The following LRRK1 variants were observed in gnomAD, a reference collection of about 807,000 sequenced individuals.
The protein encoded by LRRK1 is leucine rich repeat kinase 1.
LRRK1 carries 113 observed loss-of-function variants against 209.1 expected under a neutral mutation model. The ratio of observed to expected loss-of-function variants is 0.54; its 90% CI spans 0.46 to 0.63. The LOEUF is 0.63. Among genes scored for constraint, LRRK1 ranks in the 30% least tolerant of loss-of-function variants. LRRK1 has a pLI of 0.00. For synonymous variants in LRRK1, 1,144 were observed against 1,099.7 expected (o/e 1.04, Z -0.80); for missense variants, 2,284 against 2,632.2 (o/e 0.87, Z 2.89).
In LRRK1 at chr15:101,072,241, T is replaced by C. The variant is rs1384207874; in HGVS notation, c.*3393T>C. On this transcript the variant is annotated 3_prime_UTR_variant, in exon 34 of 34. Coordinates refer to ENST00000388948, the MANE Select transcript of LRRK1 (RefSeq NM_024652.6). ...GCAGTTCCACTTAAGTATTTGGTCC[T>C]GAAATCTTGGTAAAAGTGCCCAAAG... 5.3e-5 allele frequency: 8 copies of C among 152,246 alleles called. No individual in the cohort carries two copies. The highest frequency in any genetic ancestry group is 1.7e-4 in the African/African-American group (7 of 41,446). The allele number at this position is 152,246 out of a possible 1,614,324, so 9.4% of individuals were successfully genotyped here.
chr15:101,054,373 C>G (rs1051506283), intron 26 of LRRK1, among the ~76,000 whole-genome samples: 5 of 152,184 alleles, frequency 3.3e-5, no homozygotes, highest in Non-Finnish European at 7.3e-5. Context: ...CAGCAAAATG[C>G]CAGCAATTCC....
chr15:101,043,409 C>T (rs909966782), intron 20 of LRRK1, among the ~76,000 whole-genome samples: 1 of 152,100 alleles, frequency 6.6e-6, no homozygotes, highest in Non-Finnish European at 1.5e-5. Flanking sequence ...CATAACATGG[C>T]CCAGCGGTGT....
chr15:100,920,309 T>C (rs939437588), intron 1 of LRRK1: 4 of 152,214 alleles, frequency 2.6e-5, no homozygotes, highest in African/African-American at 9.7e-5. Flanking sequence ...TGTACACTAA[T>C]GATAGAGTTT....
In LRRK1 at chr15:101,066,030, A is replaced by G. The variant is rs1381987505; in HGVS notation, c.5593A>G (p.Ser1865Gly). Reference protein sequence around the residue: ...SPSSLPSSPASSSSVPFSTDC... With the variant: ...SPSSLPSSPAGSSSVPFSTDC... ...CTCAAGCCTCCCCAGCTCCCCAGCA[A>G]GTTCTTCCAGTGTGCCTTTCTCCAC... The change falls in exon 32 of 34, where the codon AGT (serine) becomes GGT (glycine). Residue 1865 changes from serine (S) to glycine (G), a missense_variant. This residue lies in a region of LRRK1 where 643 missense variants were observed against 695.9 expected (regional missense o/e 0.92). Coordinates refer to ENST00000388948, the MANE Select transcript of LRRK1 (RefSeq NM_024652.6). 1 of 1,613,962 alleles carries G rather than the reference A, an allele frequency of 6.2e-7. No homozygotes were observed. Among genetic ancestry groups the G allele is most frequent in the Non-Finnish European group, 8.5e-7 (1 of 1,180,024 alleles).
At position 100,983,519 on chromosome 15, in the gene LRRK1, T is replaced by G; in HGVS notation, c.262-9T>G. 6.3e-7 allele frequency: 1 copy of G among 1,583,888 alleles called. No individual in the cohort carries two copies. Among genetic ancestry groups the G allele is most frequent in the Non-Finnish European group, 8.6e-7 (1 of 1,163,210 alleles). Reference sequence around the variant, plus strand: ...CAGTCTCACTGGAGCCCTGTTCTGTTTTGACCAGGGCCAGCTTCTGAGCAT... The same window carrying G: ...CAGTCTCACTGGAGCCCTGTTCTGTGTTGACCAGGGCCAGCTTCTGAGCAT... On this transcript the variant is annotated splice_polypyrimidine_tract_variant and intron_variant, in intron 3 of 33. Transcript: ENST00000388948.
At position 101,067,421 on chromosome 15, in the gene LRRK1, ATGTGTGTGTGTGTGTGTGTGTGTG is replaced by A. The variant is rs57333844; in HGVS notation, c.5870+700_5870+723del. 6.3e-4 allele frequency: 187 copies of A among 297,166 alleles called. 5 individuals are homozygous for A. In the East Asian group the frequency reaches 0.011, roughly 17 times the overall value. The allele number at this position is 297,166 out of a possible 1,614,324, so 18.4% of individuals were successfully genotyped here. A position where few individuals can be genotyped will look rare whatever the true frequency, so the allele number is the denominator to read the frequency against. Reference sequence around the variant, plus strand: ...CCCCTACGAAAAGTCCTCAGTTCAAATGTGTGTGTGTGTGTGTGTGTGTGTGTGTGTGTGTGTGTGTGTACTTTG... The same window carrying A: ...CCCCTACGAAAAGTCCTCAGTTCAAATGTGTGTGTGTGTGTGTGTACTTTG... On this transcript the variant is annotated intron_variant, in intron 33 of 33. Coordinates refer to ENST00000388948, the MANE Select transcript of LRRK1 (RefSeq NM_024652.6).
chr15:100,999,855 C>T (rs144528444), intron 6 of LRRK1, among the ~76,000 whole-genome samples: 22 of 152,252 alleles, frequency 1.4e-4, no homozygotes, highest in Middle Eastern at 3.4e-3. Flanking sequence ...ATTGTTACAA[C>T]GACTGTTTAG....
intron 21 of LRRK1, among the ~76,000 whole-genome samples, chr15:101,046,585 C>T (rs890339917): frequency 2.0e-5 from 3 of 152,196 alleles, no homozygotes; most frequent in East Asian, 1.9e-4. Flanking sequence ...ACGGTTTTGC[C>T]GTCCTGGCTG....
intron 2 of LRRK1, among the ~76,000 whole-genome samples, chr15:100,936,613 C>G (rs2042304841): frequency 6.6e-6 from 1 of 152,240 alleles, no homozygotes; most frequent in African/African-American, 2.4e-5. Flanking sequence ...GCCAAGGGTC[C>G]AGCCTGGGTC....
intron 2 of LRRK1, among the ~76,000 whole-genome samples, chr15:100,973,236 C>G (rs897023691): frequency 1.3e-5 from 2 of 152,230 alleles, no homozygotes; most frequent in Non-Finnish European, 2.9e-5. Context: ...AGCCCACGCT[C>G]TGGTGAAGCA....
chr15:101,060,866 A>C (rs980163146), intron 29 of LRRK1, among the ~76,000 whole-genome samples: 1 of 152,170 alleles, frequency 6.6e-6, no homozygotes, highest in Admixed American at 6.5e-5. Context: ...AGCTCCCCGC[A>C]TAACAGGGGC....
rs1329328265 is a variant in LRRK1, at chr15:101,058,100, G to A, written c.4638G>A (p.Gln1546=). The change falls in exon 29 of 34, where the codon CAG becomes CAA. Residue 1546 remains glutamine, a synonymous_variant. Transcript: ENST00000388948. Reference sequence around the variant, plus strand: ...CAGCCTTCTTCTCATCCCAGGGCCAGGAGTACACCGTGGTGTTTTGGGATG... The same window carrying A: ...CAGCCTTCTTCTCATCCCAGGGCCAAGAGTACACCGTGGTGTTTTGGGATG... The part of the protein sequence containing the change: ...KQTAFFSSQG[Q]EYTVVFWDGK... 6.2e-7 allele frequency: 1 copy of A among 1,614,198 alleles called. No individual in the cohort carries two copies. Among genetic ancestry groups the A allele is most frequent in the Non-Finnish European group, 8.5e-7 (1 of 1,180,042 alleles).
intron 2 of LRRK1, among the ~76,000 whole-genome samples, chr15:100,956,288 A>G (rs1422390008): frequency 6.6e-6 from 1 of 151,934 alleles, no homozygotes; most frequent in East Asian, 1.9e-4. Flanking sequence ...TAATTGTTAT[A>G]GTAGTCTCAT....
chr15:100,920,896 C>G (rs951227587), intron 1 of LRRK1, among the ~76,000 whole-genome samples: 2 of 152,166 alleles, frequency 1.3e-5, no homozygotes, highest in African/African-American at 4.8e-5. Flanking sequence ...TCTGCTGTCT[C>G]GGACCACCAG....
At chr15:100,947,089 C>A (rs559808558) in intron 2 of LRRK1, among the ~76,000 whole-genome samples, 3 of 152,238 alleles carry the variant, frequency 2.0e-5, no homozygotes, top group East Asian at 1.9e-4. Flanking sequence ...TCTGCCTCAG[C>A]TGGGATTACA....
Position 101,072,360 on chromosome 15 carries a change from T to G in LRRK1, c.*3512T>G, listed in dbSNP as rs1287520134. On this transcript the variant is annotated 3_prime_UTR_variant, in exon 34 of 34. Coordinates refer to ENST00000388948, the MANE Select transcript of LRRK1 (RefSeq NM_024652.6). ...TCTATCATGAGGGAGGTCATAAAAT[T>G]CCTGCACATGCAACAGTGCCATCCT... The G allele has an allele frequency of 1.3e-5, 2 of 152,168 alleles. No individual in the cohort carries two copies. The highest frequency in any genetic ancestry group is 2.9e-5 in the Non-Finnish European group (2 of 68,064). 9.4% of individuals were successfully genotyped at this position (152,168 alleles called of 1,614,324 possible). A position where few individuals can be genotyped will look rare whatever the true frequency, so the allele number is the denominator to read the frequency against.
chr15:100,963,777 C>T (rs2030261401), intron 2 of LRRK1, among the ~76,000 whole-genome samples: 1 of 152,306 alleles, frequency 6.6e-6, no homozygotes, highest in South Asian at 2.1e-4. Flanking sequence ...GTTGGCAAGG[C>T]CTCCCACGAT....
At chr15:100,984,948 GAA>G (rs2031791011) in intron 4 of LRRK1, among the ~76,000 whole-genome samples, 1 of 152,182 alleles carries the variant, frequency 6.6e-6, no homozygotes, top group Non-Finnish European at 1.5e-5. Flanking sequence ...CCTGCACCTA[GAA>G]GGGCCCACGT....
At chr15:100,924,937 G>C (rs947064875) in intron 2 of LRRK1, among the ~76,000 whole-genome samples, 2 of 152,124 alleles carry the variant, frequency 1.3e-5, no homozygotes, top group African/African-American at 4.8e-5. Context: ...TGGACTCACA[G>C]ATCTTAACAA....
Sources: gnomAD v4.1 joint callset for allele counts (sites outside exome capture counted in the v4.1 genomes callset) on GRCh38, gnomAD v4.1.1 for gene constraint, gnomAD v4.1.1 regional missense constraint, MANE v1.5 for transcripts, NCBI Gene and HGNC (gene_info 2026-07-23, HGNC 2026-07-21) for gene names.